Variants in GOLGB1 observed in about 807,000 individuals in gnomAD.
The protein encoded by GOLGB1 is golgin B1.
Under a neutral mutation model 336.9 loss-of-function variants are expected in GOLGB1, and 174 were observed. The observed-to-expected ratio is 0.52, with a 90% CI of 0.46 to 0.59. GOLGB1 has a LOEUF of 0.59. Among genes scored for constraint, GOLGB1 ranks in the 20% least tolerant of loss-of-function variants. The pLI is 0.00. For missense variants in GOLGB1, 3,331 were observed against 3,645.3 expected (o/e 0.91, Z 2.22); for synonymous variants, 1,208 against 1,289.2 (o/e 0.94, Z 1.35).
chr3:121,676,573 A>T (rs1027415676), intron 17 of GOLGB1, among the ~76,000 whole-genome samples: 1 of 152,192 alleles, frequency 6.6e-6, no homozygotes, highest in African/African-American at 2.4e-5. Context: ...GACAATTCTT[A>T]AGAGGGTGGG....
chr3:121,735,676 G>C (rs541884452), intron 1 of GOLGB1, among the ~76,000 whole-genome samples: 1 of 152,278 alleles, frequency 6.6e-6, no homozygotes, highest in South Asian at 2.1e-4. Flanking sequence ...AGAGATATCA[G>C]TATGAACTCA....
intron 8 of GOLGB1, among the ~76,000 whole-genome samples, chr3:121,717,916 T>C (rs1944901019): frequency 6.6e-6 from 1 of 152,206 alleles, no homozygotes; most frequent in African/African-American, 2.4e-5. Context: ...TTCATATACA[T>C]CGTATACACA....
chr3:121,678,472 T>C (rs1940676465), intron 15 of GOLGB1, among the ~76,000 whole-genome samples: 1 of 152,224 alleles, frequency 6.6e-6, no homozygotes, highest in Non-Finnish European at 1.5e-5. Context: ...TTGCCTCTTG[T>C]CCTCTAGCAT....
Position 121,697,064 on chromosome 3 carries a change from A to C in GOLGB1, c.3459T>G (p.Ser1153Arg), listed in dbSNP as rs1231356358. 6 of 1,613,698 alleles carry C rather than the reference A, an allele frequency of 3.7e-6. No individual in the cohort carries two copies. The highest frequency in any genetic ancestry group is 5.1e-6 in the Non-Finnish European group (6 of 1,179,768). Residue 1153 changes from serine to arginine, a missense_variant, in exon 13 of 22, where the codon AGT (serine) becomes AGG (arginine). Transcript: ENST00000614479. ...GTTCACTACTACCTGTACAAGGTGG[A>C]CTTATCACCACTGTTTCCTTTACAA... Reference protein sequence around the residue: ...VALVKETVVISPPCTGSSEHW... With the variant: ...VALVKETVVIRPPCTGSSEHW...
intron 17 of GOLGB1, among the ~76,000 whole-genome samples, chr3:121,675,557 A>AG (rs536165693): frequency 2.6e-5 from 4 of 152,370 alleles, no homozygotes; most frequent in African/African-American, 9.6e-5. Flanking sequence ...ATGAAGCAAT[A>AG]TAAAAGAAAA....
In GOLGB1 at chr3:121,698,012, C is replaced by T. The variant is rs1292179793; in HGVS notation, c.2511G>A (p.Leu837=). ...VQLQFSEQST[L]IRSLQSQLQN... ...GCAGCTGGCTTTGCAGGCTTCTTAT[C>T]AGGGTACTCTGCTCAGAAAACTGAA... Residue 837 remains leucine (L), a synonymous_variant, in exon 13 of 22, where the codon CTG becomes CTA. Coordinates refer to ENST00000614479, the MANE Select transcript of GOLGB1 (RefSeq NM_001366282.2). 6.2e-6 allele frequency: 10 copies of T among 1,614,078 alleles called. No homozygotes were observed. The highest frequency in any genetic ancestry group is 8.5e-6 in the Non-Finnish European group (10 of 1,179,964).
At chr3:121,718,317 T>C (rs1371140108) in intron 8 of GOLGB1, 71 bp downstream of exon 8, 5 of 909,182 alleles carry the variant, frequency 5.5e-6, no homozygotes, top group Non-Finnish European at 8.9e-6. Flanking sequence ...GGCTTTTATA[T>C]CTACTGCCTG....
At position 121,697,143 on chromosome 3, in the gene GOLGB1, A is replaced by T. The variant is rs1943021267; in HGVS notation, c.3380T>A (p.Ile1127Asn). 1 of 1,613,922 alleles carries T rather than the reference A, an allele frequency of 6.2e-7. No homozygotes were observed. The highest frequency in any genetic ancestry group is 1.3e-5 in the African/African-American group (1 of 74,890). ...CGTGTTACTTGTGATTAACTTCTGGATAATTGCTTGGTTTTCACTGATTTC... is the reference window on the plus strand; with the variant it reads ...CGTGTTACTTGTGATTAACTTCTGGTTAATTGCTTGGTTTTCACTGATTTC... Reference protein sequence around the residue: ...QAEISENQAIIQKLITSNTDA... With the variant: ...QAEISENQAINQKLITSNTDA... Residue 1127 changes from isoleucine (I) to asparagine (N), a missense_variant, in exon 13 of 22, where the codon ATC (isoleucine) becomes AAC (asparagine). Transcript: ENST00000614479.
chr3:121,727,264 A>G (rs1945689745), intron 4 of GOLGB1, among the ~76,000 whole-genome samples: 1 of 138,754 alleles, frequency 7.2e-6, no homozygotes, highest in Admixed American at 7.6e-5. Flanking sequence ...CATAATAGCT[A>G]TAAACTGTGA....
chr3:121,715,692 T>C (rs1188774367), intron 9 of GOLGB1, among the ~76,000 whole-genome samples: 4 of 152,122 alleles, frequency 2.6e-5, no homozygotes, highest in African/African-American at 4.8e-5. Context: ...TCTTGTGTGA[T>C]GCCCTTCAAA....
chr3:121,725,628 GA>G (rs1243969567), intron 5 of GOLGB1, among the ~76,000 whole-genome samples: 1 of 152,126 alleles, frequency 6.6e-6, no homozygotes, highest in Non-Finnish European at 1.5e-5. Context: ...GAGTTTTGGA[GA>G]GCCAAGGGTG....
intron 6 of GOLGB1, 53 bp from the exon 7 acceptor site, chr3:121,719,821 C>A: frequency 6.8e-7 from 1 of 1,467,212 alleles, no homozygotes; most frequent in Non-Finnish European, 9.1e-7. Flanking sequence ...GAATATTGCA[C>A]AAATAAAACT....
intron 10 of GOLGB1, among the ~76,000 whole-genome samples, chr3:121,708,754 T>C (rs1399623464): frequency 6.6e-6 from 1 of 152,084 alleles, no homozygotes; most frequent in African/African-American, 2.4e-5. Context: ...GAAAAAGTTG[T>C]CAATAAATGA....
rs373504585 is a variant in GOLGB1, at chr3:121,664,429, T to A, written c.*51A>T. ...GGAATTGATGTTCTGATGTTAGAGG[T>A]GAGAGAATTCCAAGTTTTGAGGGGA... On this transcript the variant is annotated 3_prime_UTR_variant, in exon 22 of 22. Transcript: ENST00000614479. The A allele has an allele frequency of 5.5e-4, 817 of 1,480,674 alleles. No individual in the cohort carries two copies. The highest frequency in any genetic ancestry group is 6.0e-4 in the Non-Finnish European group (640 of 1,058,934). The allele number at this position is 1,480,674 out of a possible 1,614,324, so 91.7% of individuals were successfully genotyped here. A position where few individuals can be genotyped will look rare whatever the true frequency, so the allele number is the denominator to read the frequency against.
intron 14 of GOLGB1, among the ~76,000 whole-genome samples, chr3:121,685,404 G>A (rs1054352968): frequency 3.9e-5 from 6 of 151,976 alleles, no homozygotes; most frequent in African/African-American, 7.2e-5. Context: ...GCAAGGTGGC[G>A]TGCACCTGTA....
chr3:121,715,105 G>A lies in GOLGB1; in HGVS notation c.1289-129C>T. 5.1e-6 allele frequency: 3 copies of A among 582,830 alleles called. No individual in the cohort carries two copies. In the East Asian group the frequency reaches 8.9e-5, roughly 17 times the overall value. The allele number at this position is 582,830 out of a possible 1,614,324, so 36.1% of individuals were successfully genotyped here. A position where few individuals can be genotyped will look rare whatever the true frequency, so the allele number is the denominator to read the frequency against. On this transcript the variant is annotated intron_variant, in intron 9 of 21. Coordinates refer to ENST00000614479, the MANE Select transcript of GOLGB1 (RefSeq NM_001366282.2). ...CCTTAGTTAAAATTATGATGCCAAT[G>A]ACAACATTATTATTAGCTAAATGTT... is the stretch of plus-strand genomic sequence containing the variant.
At chr3:121,714,062 T>G (rs182526173) in intron 10 of GOLGB1, among the ~76,000 whole-genome samples, 4 of 152,066 alleles carry the variant, frequency 2.6e-5, no homozygotes, top group African/African-American at 9.7e-5. Context: ...AACAAAACAT[T>G]GGAGGAAAAA....
chr3:121,686,279 G>A (rs999516448), intron 14 of GOLGB1, among the ~76,000 whole-genome samples: 4 of 148,662 alleles, frequency 2.7e-5, no homozygotes, highest in Admixed American at 6.6e-5. Context: ...TCATGCATGC[G>A]GTTTTCATTC....
intron 5 of GOLGB1, among the ~76,000 whole-genome samples, chr3:121,726,388 T>A (rs1332786781): frequency 7.4e-6 from 1 of 135,896 alleles, no homozygotes; most frequent in African/African-American, 2.8e-5. Flanking sequence ...GAGCTGAGAC[T>A]GTACTGCTCC....
Sources: allele counts gnomAD v4.1 joint callset (sites outside exome capture counted in the v4.1 genomes callset), GRCh38; gene constraint gnomAD v4.1.1; transcripts MANE v1.5; gene names NCBI Gene and HGNC (gene_info 2026-07-23, HGNC 2026-07-21).